The following ZNF695 variants were observed in gnomAD, a reference collection of about 807,000 sequenced individuals.
The protein encoded by ZNF695 is zinc finger protein 695.
ZNF695 carries 11 observed loss-of-function variants against 11.2 expected under a neutral mutation model. The observed-to-expected ratio is 0.98, with a 90% CI of 0.62 to 1.62. ZNF695 has a LOEUF of 1.62. ZNF695 is among the 40% of genes most tolerant of loss of function. The pLI is 0.00. For missense variants in ZNF695, 559 were observed against 590.5 expected (o/e 0.95, Z 0.55); for synonymous variants, 190 against 201.4 (o/e 0.94, Z 0.48).
chr1:246,971,756 A>G (rs561515145), intron 4 of ZNF695, among the ~76,000 whole-genome samples: 1 of 152,316 alleles, frequency 6.6e-6, no homozygotes, highest in East Asian at 1.9e-4. Flanking sequence ...TCTGTAATCT[A>G]TTTCTAGTAT....
rs540395797 is a variant in ZNF695, at chr1:246,959,715, C to T, written c.488+7980G>A. On this transcript the variant is annotated intron_variant, in intron 5 of 5. Coordinates refer to the ZNF695 transcript ENST00000487338. Reference sequence around the variant, plus strand: ...TGCTGGGATTACAGGTGTGAGCCACCGTGCCTGGCCCAAAATGGGCATATT... The same window carrying T: ...TGCTGGGATTACAGGTGTGAGCCACTGTGCCTGGCCCAAAATGGGCATATT... 9.2e-5 allele frequency among the ~76,000 whole-genome samples: 14 copies of T among 151,780 alleles called. No individual in the cohort carries two copies. In the South Asian group the frequency reaches 2.5e-3, roughly 27 times the overall value.
At chr1:246,945,766 T>C (rs752507505) in exon 6 of ZNF695, 1 of 1,550,112 alleles carries the variant, frequency 6.5e-7, no homozygotes, top group East Asian at 2.4e-5. Context: ...AGGCACTGTG[T>C]TCAAGCAGCG....
At chr1:246,994,651 C>T (rs1324930631) in intron 3 of ZNF695, among the ~76,000 whole-genome samples, 1 of 151,844 alleles carries the variant, frequency 6.6e-6, no homozygotes, top group African/African-American at 2.4e-5. Flanking sequence ...TCCTGGCTAA[C>T]ATGGTGAAAC....
intron 5 of ZNF695, among the ~76,000 whole-genome samples, chr1:246,967,081 G>C (rs909846539): frequency 6.6e-6 from 1 of 152,088 alleles, no homozygotes; most frequent in Non-Finnish European, 1.5e-5. Flanking sequence ...TGGGATTACA[G>C]GCATGCGCCA....
chr1:246,970,334 G>A (rs1166067665), intron 4 of ZNF695, among the ~76,000 whole-genome samples: 4 of 151,048 alleles, frequency 2.6e-5, no homozygotes, highest in Non-Finnish European at 5.9e-5. Context: ...AAACAGAGGT[G>A]AGCCCTACAA....
intron 4 of ZNF695, among the ~76,000 whole-genome samples, chr1:246,972,283 C>T (rs889579928): frequency 2.0e-5 from 3 of 152,168 alleles, no homozygotes; most frequent in African/African-American, 7.2e-5. Context: ...GCTCACAATG[C>T]CCTGTGGCTA....
intron 5 of ZNF695, among the ~76,000 whole-genome samples, chr1:246,965,522 A>T (rs1668267043): frequency 6.6e-6 from 1 of 152,144 alleles, no homozygotes; most frequent in Admixed American, 6.5e-5. Flanking sequence ...CGATCGCCTA[A>T]GGTCAGGAGT....
intron 5 of ZNF695, chr1:246,967,672 G>T (rs1488947817): frequency 2.2e-5 from 8 of 357,398 alleles, no homozygotes; most frequent in Non-Finnish European, 3.9e-5. Flanking sequence ...AATTTATAAA[G>T]AAAAGAGATT....
At chr1:246,990,321 C>T (rs2103025222) in intron 3 of ZNF695, among the ~76,000 whole-genome samples, 1 of 152,210 alleles carries the variant, frequency 6.6e-6, no homozygotes, top group Non-Finnish European at 1.5e-5. Flanking sequence ...AGTCACTATA[C>T]TGGTGTCAGT....
At chr1:246,951,223 A>C (rs1010738858) in intron 5 of ZNF695, among the ~76,000 whole-genome samples, 25 of 152,114 alleles carry the variant, frequency 1.6e-4, no homozygotes, top group African/African-American at 5.8e-4. Flanking sequence ...GTGTTCCCCA[A>C]AAAGGTATGC....
At chr1:247,005,711 C>A (rs1572538984) in intron 1 of ZNF695, among the ~76,000 whole-genome samples, 1 of 151,752 alleles carries the variant, frequency 6.6e-6, no homozygotes, top group Non-Finnish European at 1.5e-5. Context: ...CGATAAAAAA[C>A]AACAACAAAA....
At chr1:246,951,610 A>G (rs1213949412) in intron 5 of ZNF695, among the ~76,000 whole-genome samples, 1 of 152,228 alleles carries the variant, frequency 6.6e-6, no homozygotes, top group Non-Finnish European at 1.5e-5. Context: ...GGAGACTATT[A>G]CACGCTCCTA....
chr1:246,997,091 G>A (rs1440355297), intron 3 of ZNF695, among the ~76,000 whole-genome samples: 3 of 148,426 alleles, frequency 2.0e-5, no homozygotes, highest in Non-Finnish European at 4.4e-5. Context: ...GTTCATGTGT[G>A]GTGGCTCATG....
At chr1:246,992,120 C>A (rs1345049359) in intron 3 of ZNF695, among the ~76,000 whole-genome samples, 1 of 151,514 alleles carries the variant, frequency 6.6e-6, no homozygotes, top group East Asian at 1.9e-4. Flanking sequence ...GCCGAGATCG[C>A]GCCACTGCAC....
downstream of ZNF695, among the ~76,000 whole-genome samples, chr1:246,984,712 G>A (rs1184968210): frequency 2.6e-5 from 4 of 152,124 alleles, no homozygotes; most frequent in African/African-American, 7.2e-5. Context: ...AAGTTGGCTC[G>A]AATAGTGTTC....
intron 5 of ZNF695, among the ~76,000 whole-genome samples, chr1:246,947,715 T>G (rs1035404803): frequency 6.6e-6 from 1 of 152,200 alleles, no homozygotes; most frequent in Non-Finnish European, 1.5e-5. Flanking sequence ...CTATCCATAA[T>G]GGGTACAGAC....
At chr1:247,005,028 T>G (rs1669493544) in intron 1 of ZNF695, among the ~76,000 whole-genome samples, 1 of 152,164 alleles carries the variant, frequency 6.6e-6, no homozygotes, top group Non-Finnish European at 1.5e-5. Context: ...ATCTATAAAC[T>G]CTGTGTAATA....
rs565009052 is a variant in ZNF695 at position 246,992,093 on chromosome 1, G to A, written c.260-3838C>T. On this transcript the variant is annotated intron_variant, in intron 3 of 3. Transcript: ENST00000339986. ...ACGGGAGAACAGCGTCAACCCGGGA[G>A]GCGGAGCTTGCAGTGAGCCGAGATC... Among the ~76,000 whole-genome samples, 279 of 152,182 alleles carry A rather than the reference G, an allele frequency of 1.8e-3. 2 individuals are homozygous for A. The highest frequency in any genetic ancestry group is 6.6e-3 in the African/African-American group (272 of 41,498).
intron 5 of ZNF695, among the ~76,000 whole-genome samples, chr1:246,946,616 A>G (rs995881848): frequency 6.6e-6 from 1 of 152,238 alleles, no homozygotes; most frequent in Non-Finnish European, 1.5e-5. Flanking sequence ...CTTGGAGAAA[A>G]CTTGGTCATG....
Sources: gnomAD v4.1 joint callset for allele counts (sites outside exome capture counted in the v4.1 genomes callset) on GRCh38, gnomAD v4.1.1 for gene constraint, MANE v1.5 for transcripts, NCBI Gene and HGNC (gene_info 2026-07-23, HGNC 2026-07-21) for gene names.